HTRA2: variants seen among roughly 807,000 people sequenced by gnomAD.
The protein encoded by HTRA2 is serine protease HTRA2, mitochondrial.
HTRA2 carries 24 observed loss-of-function variants against 42.2 expected under a neutral mutation model. That is an observed-to-expected ratio of 0.57 (90% CI 0.41 to 0.80). The LOEUF (loss-of-function observed/expected upper bound fraction) is 0.80, where lower values mean the gene tolerates loss of function less well. Among genes scored for constraint, HTRA2 ranks in the 30% least tolerant of loss-of-function variants. HTRA2 has a pLI of 0.00. For synonymous variants in HTRA2, 245 were observed against 255.8 expected (o/e 0.96, Z 0.40); for missense variants, 466 against 613.5 (o/e 0.76, Z 2.54).
chr2:74,529,568 CG>C, upstream of HTRA2: 1 of 1,558,350 alleles, frequency 6.4e-7, no homozygotes, highest in South Asian at 1.2e-5. Context: ...CTCTTCCCGC[CG>C]GGTCTCTTAC....
rs1352979500 is a variant in HTRA2, at chr2:74,530,235, C to T, written c.229C>T (p.Pro77Ser). 3 of 1,609,440 alleles carry T rather than the reference C, an allele frequency of 1.9e-6. No homozygotes were observed. Among genetic ancestry groups the T allele is most frequent in the African/African-American group, 1.3e-5 (1 of 74,862 alleles). The part of the protein sequence containing the change: ...EPRACLTSGT[P>S]GPRAQLTAVT... ...CCGAGCATGCCTGACGTCTGGGACC[C>T]CGGGTCCCCGGGCACAACTGACTGC... The change falls in exon 1 of 8, where the codon CCG becomes TCG. Residue 77 changes from proline to serine, a missense_variant. Pro to Ser is a moderately conservative substitution (Grantham distance 74). This residue lies in a region of HTRA2 where 222 missense variants were observed against 205.1 expected (regional missense o/e 1.08). Coordinates refer to ENST00000258080, the MANE Select transcript of HTRA2 (RefSeq NM_013247.5). The surrounding 1 kb of genome is among the most constrained non-coding windows in gnomAD (Gnocchi z 7.4).
At position 74,532,657 on chromosome 2, in the gene HTRA2, C is replaced by T; in HGVS notation, c.1154C>T (p.Pro385Leu). 6.2e-7 allele frequency: 1 copy of T among 1,613,688 alleles called. No individual in the cohort carries two copies. The highest frequency in any genetic ancestry group is 8.5e-7 in the Non-Finnish European group (1 of 1,180,026). ...CTACAGCTTCGAGAACCAAGCTTTC[C>T]CGATGTTCAGCATGGTGTACTCATC... The part of the protein sequence containing the change: ...AELQLREPSF[P>L]DVQHGVLIHK... Residue 385 changes from proline to leucine, a missense_variant, in exon 7 of 8, where the codon CCC becomes CTC. By Grantham distance (98) the Pro-to-Leu change is moderately conservative. Around this residue, in one of 3 missense-constraint regions of HTRA2, gnomAD observed 129 missense variants for 163.1 expected, o/e 0.79. Transcript: ENST00000258080.
At chr2:74,529,783 T>C (rs1675445254), upstream of HTRA2, 21 of 1,455,374 alleles carry the variant, frequency 1.4e-5, no homozygotes, top group South Asian at 3.0e-4. Flanking sequence ...GGTCCCAGCA[T>C]ACCCCGCGGC....
rs750129356 is a variant in HTRA2 at position 74,530,976 on chromosome 2, C to T, written c.777C>T (p.Ala259=). 3.1e-6 allele frequency: 5 copies of T among 1,614,090 alleles called. No individual in the cohort carries two copies. In the African/African-American group the frequency reaches 5.3e-5, roughly 17 times the overall value. ...TCCGGCAAGGGGAGTTTGTTGTTGC[C>T]ATGGGAAGTCCCTTTGCACTGCAGA... ...ADVRQGEFVV[A]MGSPFALQNT... Residue 259 remains alanine (A), a synonymous_variant, in exon 3 of 8, where the codon GCC becomes GCT. Coordinates refer to ENST00000258080, the MANE Select transcript of HTRA2 (RefSeq NM_013247.5). This position sits in a 1 kb window ranked among gnomAD's most constrained non-coding sequence, Gnocchi z 7.4.
Position 74,530,785 on chromosome 2 carries a change from C to T in HTRA2, c.675C>T (p.Pro225=). The T allele has an allele frequency of 6.2e-7, 1 of 1,614,106 alleles. No homozygotes were observed. Among genetic ancestry groups the T allele is most frequent in the African/African-American group, 1.3e-5 (1 of 75,012 alleles). ...AGGCCGTGGTCACAGCTGTGGATCCCGTGGCAGACATCGCAACGCTGAGGA... is the reference window on the plus strand; with the variant it reads ...AGGCCGTGGTCACAGCTGTGGATCCTGTGGCAGACATCGCAACGCTGAGGA... ...TYEAVVTAVD[P]VADIATLRIQ... Residue 225 remains proline, a synonymous_variant, in exon 2 of 8, where the codon CCC becomes CCT. Coordinates refer to ENST00000258080, the MANE Select transcript of HTRA2 (RefSeq NM_013247.5). This position sits in a 1 kb window ranked among gnomAD's most constrained non-coding sequence, Gnocchi z 7.4.
chr2:74,531,769 G>T, intron 5 of HTRA2, 67 bp downstream of exon 5: 1 of 1,611,838 alleles, frequency 6.2e-7, no homozygotes, highest in Non-Finnish European at 8.5e-7. Context: ...GCATTCAGTG[G>T]GACTTCCTGG....
In HTRA2 at chr2:74,531,594, C is replaced by A; in HGVS notation, c.940-3C>A. On this transcript the variant is annotated splice_region_variant and splice_polypyrimidine_tract_variant and intron_variant, in intron 4 of 7. Transcript: ENST00000258080. Reference sequence around the variant, plus strand: ...TAGGGAACTGGGGGCTGTATCCCTGCAGGATGGGGAGGTGATTGGAGTGAA... The same window carrying A: ...TAGGGAACTGGGGGCTGTATCCCTGAAGGATGGGGAGGTGATTGGAGTGAA... 6.2e-7 allele frequency: 1 copy of A among 1,614,174 alleles called. No individual in the cohort carries two copies.
In HTRA2 at chr2:74,531,320, T is replaced by C. The variant is rs201936888; in HGVS notation, c.907-19T>C. 1.9e-6 allele frequency: 3 copies of C among 1,613,614 alleles called. No homozygotes were observed. In the South Asian group the frequency reaches 3.3e-5, roughly 18 times the overall value. On this transcript the variant is annotated intron_variant, in intron 3 of 7. Coordinates refer to ENST00000258080, the MANE Select transcript of HTRA2 (RefSeq NM_013247.5). The stretch of plus-strand genomic sequence containing the variant: ...TTAGAATCCCCAGATCTCTTTCATG[T>C]TTTCTCCTTGTCCTACAGTTTGGAA...
rs757726930 is a variant in HTRA2, at chr2:74,531,862, C to A, written c.1052C>A (p.Ser351Tyr). Residue 351 changes from serine to tyrosine, a missense_variant, in exon 6 of 8, where the codon TCC becomes TAC. This residue lies in a region of HTRA2 where 129 missense variants were observed against 163.1 expected (regional missense o/e 0.79). Transcript: ENST00000258080. ...ATTTGTCCCTCTGTCACAGATTCCT[C>A]CTCCGGAATCAGTGGGTCCCAGCGG... is the stretch of plus-strand genomic sequence containing the variant. ...FLHRGEKKNS[S>Y]SGISGSQRRY... 2 of 1,613,982 alleles carry A rather than the reference C, an allele frequency of 1.2e-6. No homozygotes were observed. The highest frequency in any genetic ancestry group is 2.2e-5 in the South Asian group (2 of 91,064).
Position 74,530,608 on chromosome 2 carries a change from C to A in HTRA2, c.507-9C>A, listed in dbSNP as rs151291127. The A allele has an allele frequency of 1.4e-5, 22 of 1,614,042 alleles. No individual in the cohort carries two copies. In the Middle Eastern group the frequency reaches 8.2e-4, roughly 61 times the overall value. On this transcript the variant is annotated splice_polypyrimidine_tract_variant and intron_variant, in intron 1 of 7. Coordinates refer to ENST00000258080, the MANE Select transcript of HTRA2 (RefSeq NM_013247.5). The surrounding 1 kb of genome is among the most constrained non-coding windows in gnomAD (Gnocchi z 7.4). The stretch of plus-strand genomic sequence containing the variant: ...GCCTCCTCTTATCTGTGCTTTCCCT[C>A]CATTTCAGGCACCCTTTCTTGGGCC...
In HTRA2 at chr2:74,530,155, T is replaced by C. The variant is rs1558610123; in HGVS notation, c.149T>C (p.Val50Ala). The C allele has an allele frequency of 1.2e-6, 2 of 1,611,976 alleles. No individual in the cohort carries two copies. The highest frequency in any genetic ancestry group is 1.7e-6 in the Non-Finnish European group (2 of 1,179,292). Residue 50 changes from valine to alanine, a missense_variant, in exon 1 of 8, where the codon GTG (valine) becomes GCG (alanine). By Grantham distance (64) the Val-to-Ala change is moderately conservative. Transcript: ENST00000258080. This position sits in a 1 kb window ranked among gnomAD's most constrained non-coding sequence, Gnocchi z 7.4. ...TSGTSDPRARVTYGTPSLWAR... is the reference protein window; with the variant it reads ...TSGTSDPRARATYGTPSLWAR... Reference sequence around the variant, plus strand: ...GGAACTTCTGACCCCCGGGCCCGAGTGACTTATGGGACCCCCAGTCTCTGG... The same window carrying C: ...GGAACTTCTGACCCCCGGGCCCGAGCGACTTATGGGACCCCCAGTCTCTGG...
intron 7 of HTRA2, 22 bp downstream of exon 7, chr2:74,532,736 G>C (rs1675705511): frequency 6.2e-7 from 1 of 1,612,640 alleles, no homozygotes. Context: ...GCTGCAGTGT[G>C]ATATGGGGAT....
Position 74,531,930 on chromosome 2 carries a change from G to A in HTRA2, c.1115+5G>A, listed in dbSNP as rs1675640332. ...GATGCTGACCCTGAGTCCCAGGTAT[G>A]AGCTTTAGGGACAGTGACATGTAAT... On this transcript the variant is annotated splice_donor_5th_base_variant and intron_variant, in intron 6 of 7. Transcript: ENST00000258080. 2 of 1,613,832 alleles carry A rather than the reference G, an allele frequency of 1.2e-6. No homozygotes were observed. Among genetic ancestry groups the A allele is most frequent in the Admixed American group, 1.7e-5 (1 of 60,004 alleles).
rs746797427 is a variant in HTRA2, at chr2:74,530,614, C to A, written c.507-3C>A. On this transcript the variant is annotated splice_polypyrimidine_tract_variant and splice_region_variant and intron_variant, in intron 1 of 7. Transcript: ENST00000258080. This position sits in a 1 kb window ranked among gnomAD's most constrained non-coding sequence, Gnocchi z 7.4. ...TCTTATCTGTGCTTTCCCTCCATTT[C>A]AGGCACCCTTTCTTGGGCCGCGAGG... 6.2e-7 allele frequency: 1 copy of A among 1,614,086 alleles called. No individual in the cohort carries two copies.
intron 6 of HTRA2, 146 bp downstream of exon 6, chr2:74,532,071 A>G: frequency 1.2e-6 from 1 of 831,770 alleles, no homozygotes; most frequent in Non-Finnish European, 2.0e-6. Flanking sequence ...TCCCTTCATC[A>G]TCTTGACTTT....
intron 6 of HTRA2, 65 bp from the exon 7 acceptor site, chr2:74,532,554 G>A: frequency 8.0e-7 from 1 of 1,245,788 alleles, no homozygotes. Flanking sequence ...TGAGAGACTT[G>A]AGGTGGAACT....
rs1311236619 is a variant in HTRA2, at chr2:74,530,049, C to T, written c.43C>T (p.Arg15Trp). Residue 15 changes from arginine (R) to tryptophan (W), a missense_variant, in exon 1 of 8, where the codon CGG (arginine) becomes TGG (tryptophan). Arg to Trp is a moderately radical substitution (Grantham distance 101). Coordinates refer to ENST00000258080, the MANE Select transcript of HTRA2 (RefSeq NM_013247.5). This position sits in a 1 kb window ranked among gnomAD's most constrained non-coding sequence, Gnocchi z 7.4. Reference protein sequence around the residue: ...RAGRGAGWSLRAWRALGGIRW... With the variant: ...RAGRGAGWSLWAWRALGGIRW... ...GGGGCGGGGTGCAGGCTGGAGCCTT[C>T]GGGCATGGCGGGCTTTGGGGGGCAT... 1 of 1,579,164 alleles carries T rather than the reference C, an allele frequency of 6.3e-7. No homozygotes were observed. The highest frequency in any genetic ancestry group is 1.3e-5 in the African/African-American group (1 of 74,260).
At chr2:74,531,765 A>G (rs538765870) in intron 5 of HTRA2, 63 bp downstream of exon 5, 7 of 1,611,502 alleles carry the variant, frequency 4.3e-6, no homozygotes, top group African/African-American at 4.0e-5. Flanking sequence ...AAGGGCATTC[A>G]GTGGGACTTC....
At chr2:74,532,425 T>A in intron 6 of HTRA2, 194 bp from the exon 7 acceptor site, 1 of 633,366 alleles carries the variant, frequency 1.6e-6, no homozygotes, top group Non-Finnish European at 2.9e-6. Context: ...GGTGCCCTCA[T>A]GTGGTGTACA....
Sources: allele counts gnomAD v4.1 joint callset, GRCh38; gene constraint gnomAD v4.1.1; regional missense constraint gnomAD v4.1.1; non-coding constraint Gnocchi (gnomAD v3.1); transcripts MANE v1.5; gene names NCBI Gene and HGNC (gene_info 2026-07-23, HGNC 2026-07-21).